The following RANBP17 variants were observed in gnomAD, a reference collection of about 807,000 sequenced individuals.
RANBP17 encodes RAN binding protein 17.
In RANBP17, 158 loss-of-function variants were observed where a neutral mutation model predicts 141.2. That is an observed-to-expected ratio of 1.12 (90% confidence interval 0.98 to 1.28). RANBP17 has a LOEUF of 1.28. Ranked by LOEUF, RANBP17 falls within the 50% of genes most tolerant of loss-of-function variation. The pLI is 0.00. For synonymous variants in RANBP17, 430 were observed against 450.0 expected (o/e 0.96, Z 0.56); for missense variants, 1,438 against 1,290.7 (o/e 1.11, Z -1.75).
chr5:171,043,664 G>T (rs1202322042), intron 14 of RANBP17, among the ~76,000 whole-genome samples: 1 of 152,042 alleles, frequency 6.6e-6, no homozygotes, highest in East Asian at 1.9e-4. Flanking sequence ...TGTGATGTGG[G>T]GTCAGACACT....
chr5:171,040,344 G>A (rs1782175695), intron 14 of RANBP17, among the ~76,000 whole-genome samples: 1 of 152,170 alleles, frequency 6.6e-6, no homozygotes, highest in Non-Finnish European at 1.5e-5. Flanking sequence ...CTCAGAGTCA[G>A]AGCCAGGGAC....
intron 14 of RANBP17, among the ~76,000 whole-genome samples, chr5:171,072,370 T>C (rs1248632991): frequency 6.6e-6 from 1 of 152,088 alleles, no homozygotes; most frequent in Non-Finnish European, 1.5e-5. Flanking sequence ...TAAATTTGTA[T>C]TGTTTTAAGA....
At chr5:171,144,262 G>A (rs750928906) in intron 14 of RANBP17, among the ~76,000 whole-genome samples, 3 of 152,132 alleles carry the variant, frequency 2.0e-5, no homozygotes, top group Admixed American at 6.5e-5. Context: ...TCAGGAGGCC[G>A]AGGTGAGGTA....
At chr5:171,141,104 T>C (rs1199297755) in intron 14 of RANBP17, among the ~76,000 whole-genome samples, 3 of 151,894 alleles carry the variant, frequency 2.0e-5, no homozygotes, top group Non-Finnish European at 4.4e-5. Flanking sequence ...ATTTGCAGAA[T>C]CCCTAAAAAT....
At chr5:170,914,300 A>G (rs2127427905) in intron 8 of RANBP17, 60 bp downstream of exon 8, 10 of 1,055,682 alleles carry the variant, frequency 9.5e-6, no homozygotes, top group Non-Finnish European at 1.4e-5. Context: ...GGGGTGGTAT[A>G]TATTTACTTC....
At chr5:170,980,246 A>G (rs1777667540) in intron 14 of RANBP17, among the ~76,000 whole-genome samples, 1 of 152,220 alleles carries the variant, frequency 6.6e-6, no homozygotes, top group South Asian at 2.1e-4. Flanking sequence ...GGGAAACAGC[A>G]TAAAAGTTTG....
chr5:171,101,485 T>C (rs1362619244), intron 14 of RANBP17, among the ~76,000 whole-genome samples: 2 of 152,234 alleles, frequency 1.3e-5, no homozygotes, highest in Non-Finnish European at 2.9e-5. Context: ...TTTGAGCCTA[T>C]GTGTGTCTTT....
intron 14 of RANBP17, among the ~76,000 whole-genome samples, chr5:171,081,440 A>G (rs1785253299): frequency 6.6e-6 from 1 of 152,206 alleles, no homozygotes; most frequent in Admixed American, 6.5e-5. Flanking sequence ...ATTCACAATC[A>G]GCTGCACTCT....
intron 14 of RANBP17, among the ~76,000 whole-genome samples, chr5:171,066,969 C>T (rs1784347853): frequency 6.6e-6 from 1 of 152,082 alleles, no homozygotes; most frequent in Non-Finnish European, 1.5e-5. Context: ...TCCCCATTGC[C>T]TTTTAATTGG....
chr5:170,926,901 T>C (rs1772973564), intron 12 of RANBP17, among the ~76,000 whole-genome samples: 4 of 152,158 alleles, frequency 2.6e-5, no homozygotes, highest in Admixed American at 2.6e-4. Flanking sequence ...TACTTCTTGC[T>C]TGTTTTCATT....
chr5:171,157,289 G>C (rs1410899732), intron 14 of RANBP17, among the ~76,000 whole-genome samples: 1 of 152,162 alleles, frequency 6.6e-6, no homozygotes, highest in African/African-American at 2.4e-5. Context: ...GCTACAGTGT[G>C]TCTTATAAAA....
chr5:170,952,075 T>TA (rs1561923532), intron 12 of RANBP17, among the ~76,000 whole-genome samples: 1 of 151,942 alleles, frequency 6.6e-6, no homozygotes, highest in Non-Finnish European at 1.5e-5. Flanking sequence ...AGGCCCAAGA[T>TA]ACACGAGAAG....
chr5:171,244,342 C>T (rs1358850604), intron 24 of RANBP17, among the ~76,000 whole-genome samples: 1 of 152,086 alleles, frequency 6.6e-6, no homozygotes, highest in Non-Finnish European at 1.5e-5. Flanking sequence ...CGCACCACTG[C>T]ACTCCAGCCT....
rs191884067 is a variant in RANBP17 at position 171,000,580 on chromosome 5, C to T, written c.1710+32203C>T. ...TCTACTGTGTCACACGCATCCGTGT[C>T]ATGCGCGTCCGTGTGAAGAGACCAC... is the stretch of plus-strand genomic sequence containing the variant. On this transcript the variant is annotated intron_variant, in intron 14 of 27. Transcript: ENST00000523189. Among the ~76,000 whole-genome samples the T allele has an allele frequency of 2.6e-5, 4 of 152,280 alleles. No individual in the cohort carries two copies. The East Asian group carries it at 7.7e-4, about 29-fold the overall frequency.
intron 18 of RANBP17, among the ~76,000 whole-genome samples, chr5:171,191,484 G>A (rs1334899115): frequency 6.6e-6 from 1 of 152,034 alleles, no homozygotes; most frequent in Admixed American, 6.5e-5. Flanking sequence ...GTAGGAGATC[G>A]AGACCATCCT....
intron 14 of RANBP17, among the ~76,000 whole-genome samples, chr5:171,094,228 A>G (rs1262865503): frequency 2.0e-5 from 3 of 152,128 alleles, no homozygotes; most frequent in African/African-American, 7.2e-5. Context: ...GGTAGGGTCT[A>G]ATGGTGGCAG....
At chr5:171,065,304 G>A (rs1463336581) in intron 14 of RANBP17, among the ~76,000 whole-genome samples, 1 of 151,994 alleles carries the variant, frequency 6.6e-6, no homozygotes, top group Non-Finnish European at 1.5e-5. Flanking sequence ...GAATGGGGGG[G>A]TGGGGTGAAG....
intron 24 of RANBP17, among the ~76,000 whole-genome samples, chr5:171,257,557 C>T (rs1394809113): frequency 2.0e-5 from 3 of 152,084 alleles, no homozygotes; most frequent in Non-Finnish European, 4.4e-5. Context: ...AAGTCCTAGC[C>T]AGAGCAGTGA....
intron 14 of RANBP17, among the ~76,000 whole-genome samples, chr5:171,069,512 G>GACATCA (rs1327808393): frequency 1.3e-5 from 2 of 152,152 alleles, no homozygotes; most frequent in Non-Finnish European, 2.9e-5. Context: ...CCCTGCCATT[G>GACATCA]TTGTGTCATC....
Sources: allele counts gnomAD v4.1 joint callset (sites outside exome capture counted in the v4.1 genomes callset), GRCh38; gene constraint gnomAD v4.1.1; transcripts MANE v1.5; gene names NCBI Gene and HGNC (gene_info 2026-07-23, HGNC 2026-07-21).